Variants in CYREN observed in about 807,000 individuals in gnomAD.
CYREN encodes cell cycle regulator of non-homologous end joining.
A neutral mutation model predicts 9.7 loss-of-function variants in CYREN; 7 were observed. That is an observed-to-expected ratio of 0.72 (90% CI 0.41 to 1.36). CYREN has a LOEUF of 1.36. Among genes scored for constraint, CYREN ranks in the 40% most tolerant of loss-of-function variants. The pLI is 0.01. For missense variants in CYREN, 215 were observed against 198.1 expected (o/e 1.09, Z -0.51); for synonymous variants, 76 against 77.9 (o/e 0.98, Z 0.13).
chr7:135,167,564 A>G (rs1830259890), intron 3 of CYREN, 168 bp downstream of exon 3: 2 of 985,122 alleles, frequency 2.0e-6, no homozygotes, highest in Admixed American at 6.2e-5. Flanking sequence ...GCACACCCAC[A>G]TGGGGAGAGG....
chr7:135,161,369 A>T (rs929845863), downstream of CYREN, among the ~76,000 whole-genome samples: 1 of 152,210 alleles, frequency 6.6e-6, no homozygotes, highest in Non-Finnish European at 1.5e-5. This position sits in a 1 kb window ranked among gnomAD's most constrained non-coding sequence, Gnocchi z 4.1. Flanking sequence ...AACAGAATTC[A>T]AATGGGAAAA....
chr7:135,167,935 C>A, intron 2 of CYREN, 128 bp from the exon 3 acceptor site: 1 of 1,481,158 alleles, frequency 6.8e-7, no homozygotes. Flanking sequence ...CACCTCTGAG[C>A]TGAGGAGCTT....
intron 2 of CYREN, among the ~76,000 whole-genome samples, chr7:135,109,370 T>C (rs1258231718): frequency 2.0e-5 from 3 of 152,070 alleles, no homozygotes; most frequent in African/African-American, 4.8e-5. Flanking sequence ...CCCAGGCAGT[T>C]GTAGAGCTGC....
intron 2 of CYREN, among the ~76,000 whole-genome samples, chr7:135,118,863 A>G (rs1826706289): frequency 6.6e-6 from 1 of 152,176 alleles, no homozygotes; most frequent in South Asian, 2.1e-4. Flanking sequence ...GAAAAATACC[A>G]CTGAAATTTT....
At chr7:135,141,058 G>C (rs978773908) in intron 2 of CYREN, among the ~76,000 whole-genome samples, 3 of 151,996 alleles carry the variant, frequency 2.0e-5, no homozygotes, top group Non-Finnish European at 4.4e-5. Context: ...GTATCAGGCT[G>C]ATGCTGACCT....
chr7:135,156,413 C>G (rs1263866377), intron 2 of CYREN, among the ~76,000 whole-genome samples: 1 of 151,804 alleles, frequency 6.6e-6, no homozygotes, highest in Non-Finnish European at 1.5e-5. Context: ...TCCTTTTTTC[C>G]TCATTTTTGT....
chr7:135,112,554 T>C (rs942068624), intron 2 of CYREN, among the ~76,000 whole-genome samples: 2 of 152,194 alleles, frequency 1.3e-5, no homozygotes, highest in African/African-American at 2.4e-5. Flanking sequence ...TTGTGTTCAT[T>C]CATTTACCCC....
In CYREN at chr7:135,136,973, C is replaced by T. The variant is rs534532488; in HGVS notation, n.356+31776G>A. On this transcript the variant is annotated intron_variant and non_coding_transcript_variant, in intron 2 of 2. Coordinates refer to the CYREN transcript ENST00000459937. ...TCCACTTCCTCACTATGCTACAATA[C>T]TTTCAGTTTTCTGAGCATGCCACTC... Among the ~76,000 whole-genome samples the T allele has an allele frequency of 4.9e-4, 75 of 152,138 alleles. 1 individual carries two copies. Among genetic ancestry groups the T allele is most frequent in the African/African-American group, 1.7e-3 (69 of 41,544 alleles).
chr7:135,111,321 C>T (rs879267668), intron 2 of CYREN, among the ~76,000 whole-genome samples: 14 of 152,238 alleles, frequency 9.2e-5, no homozygotes, highest in African/African-American at 3.1e-4. Context: ...ATTACCTTCA[C>T]TTCCTCACTT....
intron 2 of CYREN, among the ~76,000 whole-genome samples, chr7:135,096,770 A>AGAAAGAAG (rs1822933397): frequency 6.6e-6 from 1 of 151,454 alleles, no homozygotes; most frequent in Non-Finnish European, 1.5e-5. Context: ...AAAGAAAGAA[A>AGAAAGAAG]GAAAGAAAGA....
intron 2 of CYREN, chr7:135,129,259 G>C: frequency 6.5e-7 from 1 of 1,528,752 alleles, no homozygotes; most frequent in Non-Finnish European, 9.1e-7. Context: ...ATCTGCTCCA[G>C]CTGCAATTTT....
chr7:135,128,671 T>C, intron 2 of CYREN: 1 of 1,158,030 alleles, frequency 8.6e-7, no homozygotes, highest in Non-Finnish European at 1.3e-6. Context: ...GAGACCCTAG[T>C]ATACCTGAAT....
At position 135,151,931 on chromosome 7, in the gene CYREN, G is replaced by A. The variant is rs528882704; in HGVS notation, n.356+16818C>T. On this transcript the variant is annotated intron_variant and non_coding_transcript_variant, in intron 2 of 2. Transcript: ENST00000459937. The surrounding 1 kb of genome is among the most constrained non-coding windows in gnomAD (Gnocchi z 4.3). ...AAACATAAATGAGACCAGCTTCCTAGAGTTCATCTCTGGGAATGAACCCTG... is the reference window on the plus strand; with the variant it reads ...AAACATAAATGAGACCAGCTTCCTAAAGTTCATCTCTGGGAATGAACCCTG... Among the ~76,000 whole-genome samples the A allele has an allele frequency of 3.1e-4, 47 of 152,202 alleles. No homozygotes were observed. The highest frequency in any genetic ancestry group is 5.6e-4 in the Non-Finnish European group (38 of 68,012).
intron 2 of CYREN, among the ~76,000 whole-genome samples, chr7:135,140,386 T>G (rs1252984174): frequency 6.7e-6 from 1 of 149,900 alleles, no homozygotes; most frequent in Non-Finnish European, 1.5e-5. Flanking sequence ...TGTATAAGAA[T>G]GCTATTGATT....
intron 2 of CYREN, among the ~76,000 whole-genome samples, chr7:135,102,658 G>A (rs780635339): frequency 9.3e-4 from 138 of 149,130 alleles, no homozygotes; most frequent in Non-Finnish European, 1.8e-3. Flanking sequence ...ATGCTTGGAA[G>A]GTTTTACCCC....
intron 2 of CYREN, chr7:135,134,787 C>T: frequency 6.8e-7 from 1 of 1,465,892 alleles, no homozygotes. Context: ...ATACCTAGGA[C>T]TACAAAGTAG....
chr7:135,115,313 T>A (rs1343697196), intron 2 of CYREN: 1 of 1,057,190 alleles, frequency 9.5e-7, no homozygotes, highest in Non-Finnish European at 1.4e-6. Context: ...TGGCATATAA[T>A]AATGCCCAAT....
intron 2 of CYREN, among the ~76,000 whole-genome samples, chr7:135,133,215 C>A (rs1829039670): frequency 6.6e-6 from 1 of 151,544 alleles, no homozygotes; most frequent in Admixed American, 6.6e-5. Flanking sequence ...CAAAATATCT[C>A]AAAAAAAATA....
Position 135,105,167 on chromosome 7 carries a change from T to G in CYREN, n.357-10585A>C, listed in dbSNP as rs578051612. On this transcript the variant is annotated intron_variant and non_coding_transcript_variant, in intron 2 of 2. Coordinates refer to the CYREN transcript ENST00000459937. The stretch of plus-strand genomic sequence containing the variant: ...TCACTGCAACCTCCACCTCCCAGAT[T>G]CAAGAGATTCTCTTGCCTCAGCCTC... Among the ~76,000 whole-genome samples, 72 of 150,310 alleles carry G rather than the reference T, an allele frequency of 4.8e-4. 1 individual carries two copies. The highest frequency in any genetic ancestry group is 1.6e-3 in the African/African-American group (66 of 41,056).
Sources: gnomAD v4.1 joint callset for allele counts (sites outside exome capture counted in the v4.1 genomes callset) on GRCh38, gnomAD v4.1.1 for gene constraint, Gnocchi (gnomAD v3.1) non-coding constraint, MANE v1.5 for transcripts, NCBI Gene and HGNC (gene_info 2026-07-23, HGNC 2026-07-21) for gene names.